The following SSH2 variants were observed in gnomAD, a reference collection of about 807,000 sequenced individuals.
SSH2 encodes protein phosphatase Slingshot homolog 2.
SSH2 carries 37 observed loss-of-function variants against 135.2 expected under a neutral mutation model. That is an observed-to-expected ratio of 0.27 (90% CI 0.21 to 0.36). SSH2 has a LOEUF of 0.36. Ranked by LOEUF, SSH2 falls within the 10% of genes least tolerant of loss-of-function variation. The pLI is 1.00. For synonymous variants in SSH2, 628 were observed against 646.2 expected (o/e 0.97, Z 0.43); for missense variants, 1,408 against 1,765.3 (o/e 0.80, Z 3.63).
intron 6 of SSH2, among the ~76,000 whole-genome samples, chr17:29,680,497 G>A (rs947618799): frequency 5.4e-5 from 7 of 129,458 alleles, no homozygotes; most frequent in African/African-American, 1.7e-4. Flanking sequence ...GTTGCAGTGA[G>A]CTGAGATTTG....
At chr17:29,784,598 CAAAA>C (rs59705618) in intron 3 of SSH2, among the ~76,000 whole-genome samples, 1 of 138,472 alleles carries the variant, frequency 7.2e-6, no homozygotes, top group Non-Finnish European at 1.6e-5. Flanking sequence ...GACTCCTTCT[CAAAA>C]AAAAAAAAAA....
chr17:29,755,667 C>CT lies in SSH2; in HGVS notation c.188+38226dup, dbSNP rs540804204. On this transcript the variant is annotated intron_variant, in intron 3 of 15. Coordinates refer to ENST00000540801, the MANE Select transcript of SSH2 (RefSeq NM_001282129.2). ...CTTTTTTTAATTTTCTTTTCTTTTTCTTTTTTTTTTTTGAGATGGAGTCTC... is the reference window on the plus strand; with the variant it reads ...CTTTTTTTAATTTTCTTTTCTTTTTCTTTTTTTTTTTTTGAGATGGAGTCTC... Among the ~76,000 whole-genome samples, 1,269 of 143,906 alleles carry CT rather than the reference C, an allele frequency of 8.8e-3. 11 individuals are homozygous for CT. Among genetic ancestry groups the CT allele is most frequent in the African/African-American group, 0.022 (890 of 39,596 alleles). The allele number at this position is 143,906 out of a possible 152,430, so 94.4% of individuals were successfully genotyped here. A position where few individuals can be genotyped will look rare whatever the true frequency, so the allele number is the denominator to read the frequency against.
chr17:29,864,539 C>A (rs1197413550), intron 1 of SSH2, among the ~76,000 whole-genome samples: 1 of 150,486 alleles, frequency 6.6e-6, no homozygotes. Context: ...TTTTGCTTAT[C>A]ATTCTTTGAA....
At chr17:29,751,512 T>G (rs1480289175) in intron 3 of SSH2, among the ~76,000 whole-genome samples, 2 of 152,208 alleles carry the variant, frequency 1.3e-5, no homozygotes, top group East Asian at 3.8e-4. Context: ...ACGCAGTCGC[T>G]TATTATCAAG....
intron 3 of SSH2, among the ~76,000 whole-genome samples, chr17:29,745,573 C>T (rs1163915929): frequency 1.3e-5 from 2 of 152,154 alleles, no homozygotes; most frequent in Admixed American, 1.3e-4. Context: ...CGTCTTATTT[C>T]CTCAACAAAC....
At chr17:29,836,168 TGAGCATAGCCTTGGAAATCA>T (rs940657358) in intron 2 of SSH2, among the ~76,000 whole-genome samples, 3 of 152,102 alleles carry the variant, frequency 2.0e-5, no homozygotes, top group African/African-American at 7.2e-5. Flanking sequence ...AATGGCATGG[TGAGCATAGCCTTGGAAATCA>T]GACTTGAACT....
intron 3 of SSH2, among the ~76,000 whole-genome samples, chr17:29,784,487 C>T (rs1309706040): frequency 6.6e-6 from 1 of 151,552 alleles, no homozygotes; most frequent in African/African-American, 2.4e-5. Context: ...ATCCCAGCTT[C>T]TTGGGAGGCT....
At chr17:29,898,356 A>G (rs1474124848) in intron 1 of SSH2, among the ~76,000 whole-genome samples, 1 of 152,114 alleles carries the variant, frequency 6.6e-6, no homozygotes, top group African/African-American at 2.4e-5. Context: ...TTTTTTGAAA[A>G]GATCAACAAA....
At chr17:29,859,209 C>T (rs2065716734) in intron 1 of SSH2, among the ~76,000 whole-genome samples, 1 of 152,096 alleles carries the variant, frequency 6.6e-6, no homozygotes, top group South Asian at 2.1e-4. Context: ...CTTCCTCTAT[C>T]TTCAATATCG....
At chr17:29,777,080 C>T (rs749428257) in intron 3 of SSH2, among the ~76,000 whole-genome samples, 4 of 151,982 alleles carry the variant, frequency 2.6e-5, no homozygotes, top group Non-Finnish European at 4.4e-5. Context: ...GGCATGGTGG[C>T]GCACATGTGT....
rs9895867 is a variant in SSH2 at position 29,868,926 on chromosome 17, T to C, written c.64-19997A>G. ...AAAGTGGGACTTTATAGAATGCTAA[T>C]AGAGGTAGCTCAGAGCTGATTACAG... is the stretch of plus-strand genomic sequence containing the variant. On this transcript the variant is annotated intron_variant, in intron 1 of 15. Transcript: ENST00000540801. Among the ~76,000 whole-genome samples, 994 of 152,148 alleles carry C rather than the reference T, an allele frequency of 6.5e-3. 6 individuals are homozygous for C. Among genetic ancestry groups the C allele is most frequent in the African/African-American group, 0.023 (953 of 41,502 alleles).
chr17:29,699,697 C>T (rs1438677092), intron 4 of SSH2, among the ~76,000 whole-genome samples: 1 of 152,108 alleles, frequency 6.6e-6, no homozygotes. Flanking sequence ...GTAATTTGCC[C>T]AACATTCTAG....
chr17:29,870,961 A>G (rs908606261), intron 1 of SSH2, among the ~76,000 whole-genome samples: 1 of 152,238 alleles, frequency 6.6e-6, no homozygotes, highest in African/African-American at 2.4e-5. Flanking sequence ...AATTGCAGAC[A>G]AAGACTCTTC....
intron 3 of SSH2, among the ~76,000 whole-genome samples, chr17:29,711,156 C>T (rs866420861): frequency 6.6e-6 from 1 of 152,192 alleles, no homozygotes; most frequent in South Asian, 2.1e-4. Context: ...TACTCATTAA[C>T]GATAACCATC....
chr17:29,887,918 T>A (rs2066271508), intron 1 of SSH2, among the ~76,000 whole-genome samples: 1 of 152,128 alleles, frequency 6.6e-6, no homozygotes. Flanking sequence ...TTTTTGCAGA[T>A]TAGTATATGT....
chr17:29,875,934 C>T (rs2066019924), intron 1 of SSH2, among the ~76,000 whole-genome samples: 1 of 143,358 alleles, frequency 7.0e-6, no homozygotes, highest in Non-Finnish European at 1.5e-5. Context: ...TGTACACATG[C>T]TTATAATGAA....
rs536408037 is a variant in SSH2, at chr17:29,891,050, G to A, written c.63+38888C>T. On this transcript the variant is annotated intron_variant, in intron 1 of 15. Coordinates refer to ENST00000540801, the MANE Select transcript of SSH2 (RefSeq NM_001282129.2). ...ATTACAGGTGTGAGCCACCACGCCC[G>A]GTCTGAAAAAAATCTTTAAAAGATC... Among the ~76,000 whole-genome samples, 33 of 151,994 alleles carry A rather than the reference G, an allele frequency of 2.2e-4. No individual in the cohort carries two copies. The South Asian group carries it at 5.6e-3, about 26-fold the overall frequency.
intron 2 of SSH2, among the ~76,000 whole-genome samples, chr17:29,837,586 C>G (rs1326318304): frequency 2.0e-5 from 3 of 152,166 alleles, no homozygotes; most frequent in African/African-American, 7.2e-5. Flanking sequence ...GCACCACCCC[C>G]ACCCTCGCAC....
At chr17:29,902,683 T>C (rs1340587824) in intron 1 of SSH2, among the ~76,000 whole-genome samples, 1 of 152,120 alleles carries the variant, frequency 6.6e-6, no homozygotes, top group African/African-American at 2.4e-5. Context: ...AATTTTACTA[T>C]TAATGTACCT....
Sources: allele counts gnomAD v4.1 joint callset (sites outside exome capture counted in the v4.1 genomes callset), GRCh38; gene constraint gnomAD v4.1.1; transcripts MANE v1.5; gene names NCBI Gene and HGNC (gene_info 2026-07-23, HGNC 2026-07-21).